The following MYL2 variants were observed in gnomAD, a reference collection of about 807,000 sequenced individuals.
MYL2 encodes myosin regulatory light chain 2, ventricular/cardiac muscle isoform.
In MYL2, 19 loss-of-function variants were observed where a neutral mutation model predicts 23.0. The observed-to-expected ratio is 0.83, with a 90% CI of 0.58 to 1.21. MYL2 has a LOEUF of 1.21. Ranked by LOEUF, MYL2 falls within the 50% of genes most tolerant of loss-of-function variation. MYL2 has a pLI of 0.00. For missense variants in MYL2, 180 were observed against 215.1 expected, an observed-to-expected ratio of 0.84 and a Z score of 1.02; for synonymous variants, 78 against 76.2, an observed-to-expected ratio of 1.02 and a Z score of -0.13.
rs2071666623 is a variant in MYL2, at chr12:110,913,271, C to T, written c.328G>A (p.Gly110Ser). 1 of 1,614,248 alleles carries T rather than the reference C, an allele frequency of 6.2e-7. No homozygotes were observed. Among genetic ancestry groups the T allele is most frequent in the Non-Finnish European group, 8.5e-7 (1 of 1,180,046 alleles). ...TAATCAGCCTTCAGCACCCCTTTGC[C>T]TTCAGGGTCAAACACTTTGAATGCG... ...LNAFKVFDPE[G>S]KGVLKADYVR... The change falls in exon 5 of 7, where the codon GGC becomes AGC. Residue 110 changes from glycine to serine, a missense_variant. Gly to Ser is a moderately conservative substitution (Grantham distance 56). Transcript: ENST00000228841.
chr12:110,913,201 G>GA, intron 5 of MYL2, 45 bp downstream of exon 5: 1 of 1,607,594 alleles, frequency 6.2e-7, no homozygotes, highest in Non-Finnish European at 8.5e-7. Context: ...GGGGGGACAG[G>GA]GGGCAAGCAG....
Position 110,918,887 on chromosome 12 carries a change from T to G in MYL2, c.93+217A>C. ...TGCTTTTCTGAAAAATTTTCCAACA[T>G]TTTTCAACATGGAATATGTTTTACT... On this transcript the variant is annotated intron_variant, in intron 2 of 6. Coordinates refer to ENST00000228841, the MANE Select transcript of MYL2 (RefSeq NM_000432.4). The surrounding 1 kb of genome is among the most constrained non-coding windows in gnomAD (Gnocchi z 4.4). 1.8e-6 allele frequency: 1 copy of G among 561,460 alleles called. No homozygotes were observed. Among genetic ancestry groups the G allele is most frequent in the Non-Finnish European group, 3.2e-6 (1 of 317,440 alleles). 34.8% of individuals were successfully genotyped at this position (561,460 alleles called of 1,614,324 possible).
intron 3 of MYL2, among the ~76,000 whole-genome samples, chr12:110,914,621 C>T (rs1305013807): frequency 2.6e-5 from 4 of 152,126 alleles, no homozygotes; most frequent in South Asian, 2.1e-4. Flanking sequence ...CAGGTTCAAG[C>T]GATTCTCGTG....
intron 2 of MYL2, among the ~76,000 whole-genome samples, chr12:110,917,550 T>A (rs2071695306): frequency 6.6e-6 from 1 of 152,104 alleles, no homozygotes; most frequent in African/African-American, 2.4e-5. Flanking sequence ...GGCTACATGT[T>A]TTGAGTTCTT....
intron 3 of MYL2, 123 bp from the exon 4 acceptor site, chr12:110,914,413 G>A: frequency 1.4e-6 from 1 of 735,752 alleles, no homozygotes; most frequent in Non-Finnish European, 2.5e-6. Flanking sequence ...GAGATGGGGT[G>A]GATGGAGGCA....
intron 4 of MYL2, 137 bp downstream of exon 4, chr12:110,914,049 C>T (rs998067215): frequency 2.6e-5 from 19 of 735,384 alleles, no homozygotes; most frequent in Middle Eastern, 5.7e-4. Flanking sequence ...TCAGCCACTG[C>T]GCCCAGCCAA....
At chr12:110,919,930 T>C (rs1460679313) in intron 1 of MYL2, among the ~76,000 whole-genome samples, 1 of 152,120 alleles carries the variant, frequency 6.6e-6, no homozygotes, top group Admixed American at 6.5e-5. Context: ...AGAGGTTGGG[T>C]CACTTGCCCA....
chr12:110,914,100 C>T, intron 4 of MYL2, 86 bp downstream of exon 4: 2 of 1,077,068 alleles, frequency 1.9e-6, no homozygotes, highest in South Asian at 2.5e-5. Context: ...TGCTTTATCT[C>T]TTTTAAAGTT....
At chr12:110,916,234 G>A (rs1344618212) in intron 2 of MYL2, among the ~76,000 whole-genome samples, 1 of 152,238 alleles carries the variant, frequency 6.6e-6, no homozygotes, top group Non-Finnish European at 1.5e-5. Context: ...TACTTGGGAG[G>A]CCGAGGTAGG....
Position 110,918,773 on chromosome 12 carries a change from A to G in MYL2, c.93+331T>C. On this transcript the variant is annotated intron_variant, in intron 2 of 6. Coordinates refer to ENST00000228841, the MANE Select transcript of MYL2 (RefSeq NM_000432.4). The surrounding 1 kb of genome is among the most constrained non-coding windows in gnomAD (Gnocchi z 4.4). ...TTGTTTAATAAATATATACATAGAT[A>G]ACAAAAATGGTTTGAAGGGTATATA... The G allele has an allele frequency of 3.9e-6, 1 of 257,178 alleles. No homozygotes were observed. 15.9% of individuals were successfully genotyped at this position (257,178 alleles called of 1,614,324 possible).
intron 2 of MYL2, among the ~76,000 whole-genome samples, chr12:110,916,950 G>A (rs2071691444): frequency 6.6e-6 from 1 of 152,166 alleles, no homozygotes; most frequent in Admixed American, 6.5e-5. Flanking sequence ...CCGGGTTCAA[G>A]CGATTCTCCT....
chr12:110,913,602 T>C (rs1299327923), intron 4 of MYL2, among the ~76,000 whole-genome samples: 6 of 152,250 alleles, frequency 3.9e-5, no homozygotes, highest in Non-Finnish European at 5.9e-5. Context: ...GGACTTTCTG[T>C]CTCTTAGTCT....
chr12:110,920,268 G>A (rs1025646521), intron 1 of MYL2, among the ~76,000 whole-genome samples: 4 of 151,942 alleles, frequency 2.6e-5, no homozygotes, highest in Admixed American at 1.3e-4. Context: ...TTGATTCCTC[G>A]AGAGGTCAGT....
At chr12:110,920,504 C>T (rs566040133) in intron 1 of MYL2, 23 bp downstream of exon 1, 3 of 1,614,170 alleles carry the variant, frequency 1.9e-6, no homozygotes, top group African/African-American at 2.7e-5. Flanking sequence ...GGCATCATCA[C>T]CTCCTGGAGC....
At chr12:110,914,739 C>T (rs904070540) in intron 3 of MYL2, among the ~76,000 whole-genome samples, 17 of 152,122 alleles carry the variant, frequency 1.1e-4, no homozygotes, top group African/African-American at 4.1e-4. Context: ...AGGCAGGTCT[C>T]GAAGTCCTGG....
At chr12:110,919,888 C>T (rs1336980434) in intron 1 of MYL2, among the ~76,000 whole-genome samples, 1 of 152,070 alleles carries the variant, frequency 6.6e-6, no homozygotes, top group Non-Finnish European at 1.5e-5. Context: ...TATTATCATC[C>T]CCATTTTACA....
rs113958682 is a variant in MYL2 at position 110,917,490 on chromosome 12, GACAA to G, written c.93+1610_93+1613del. On this transcript the variant is annotated intron_variant, in intron 2 of 6. Coordinates refer to ENST00000228841, the MANE Select transcript of MYL2 (RefSeq NM_000432.4). ...GAGTACCTGTAATCCCATTTACTCA[GACAA>G]ACAAACAAACAAACAAACAAACAAA... Among the ~76,000 whole-genome samples, 708 of 149,842 alleles carry G rather than the reference GACAA, an allele frequency of 4.7e-3. 2 individuals carry two copies. The highest frequency in any genetic ancestry group is 0.012 in the African/African-American group (498 of 40,696).
chr12:110,911,694 AG>A (rs1457284163), intron 6 of MYL2, among the ~76,000 whole-genome samples: 2 of 152,208 alleles, frequency 1.3e-5, no homozygotes, highest in East Asian at 3.8e-4. Flanking sequence ...CCGAGGGGCC[AG>A]GCAGGTTATG....
intron 4 of MYL2, 52 bp downstream of exon 4, chr12:110,914,134 G>A (rs75050641): frequency 7.4e-6 from 10 of 1,359,996 alleles, no homozygotes; most frequent in African/African-American, 5.8e-5. Flanking sequence ...CAGCCCCCCC[G>A]AAGAAACATA....
Sources: allele counts gnomAD v4.1 joint callset (sites outside exome capture counted in the v4.1 genomes callset), GRCh38; gene constraint gnomAD v4.1.1; non-coding constraint Gnocchi (gnomAD v3.1); transcripts MANE v1.5; gene names NCBI Gene and HGNC (gene_info 2026-07-23, HGNC 2026-07-21).